The following CDH13 variants were observed in gnomAD, a reference collection of about 807,000 sequenced individuals.
The protein encoded by CDH13 is cadherin 13.
CDH13 carries 24 observed loss-of-function variants against 63.8 expected under a neutral mutation model. The ratio of observed to expected loss-of-function variants is 0.38; its 90% CI spans 0.27 to 0.53. CDH13 has a LOEUF of 0.53. CDH13 is among the 20% of genes least tolerant of loss of function. The probability of loss-of-function intolerance (pLI) is 0.85; values close to 1 mark genes in which losing one functional copy is unlikely to be tolerated. For missense variants in CDH13, 1,049 were observed against 903.1 expected (o/e 1.16, Z -2.07); for synonymous variants, 503 against 355.3 (o/e 1.42, Z -4.67).
intron 6 of CDH13, among the ~76,000 whole-genome samples, chr16:83,345,268 C>T (rs1298546159): frequency 1.3e-5 from 2 of 152,186 alleles, no homozygotes; most frequent in African/African-American, 2.4e-5. Flanking sequence ...TAAGGCATGG[C>T]CGATGTTGGG....
At chr16:82,631,598 C>T (rs145806782) in intron 1 of CDH13, among the ~76,000 whole-genome samples, 13 of 152,318 alleles carry the variant, frequency 8.5e-5, no homozygotes, top group South Asian at 2.1e-4. Flanking sequence ...CCCCACAGCC[C>T]GCTTCTTCTG....
At chr16:83,654,659 G>C (rs528633607) in intron 8 of CDH13, among the ~76,000 whole-genome samples, 16 of 152,232 alleles carry the variant, frequency 1.1e-4, no homozygotes, top group African/African-American at 3.9e-4. Context: ...GTTCCAAACA[G>C]CTCTTTATTG....
chr16:83,648,655 A>G (rs1023004754), intron 8 of CDH13, among the ~76,000 whole-genome samples: 2 of 152,192 alleles, frequency 1.3e-5, no homozygotes, highest in Admixed American at 6.5e-5. Flanking sequence ...TGAAAACACT[A>G]GAACACAGCT....
intron 6 of CDH13, among the ~76,000 whole-genome samples, chr16:83,385,396 T>C (rs1438328101): frequency 6.6e-6 from 1 of 152,224 alleles, no homozygotes; most frequent in Non-Finnish European, 1.5e-5. Flanking sequence ...ATTTCTTTCT[T>C]TGCAAGATTG....
chr16:82,883,717 G>A (rs2040784687), intron 2 of CDH13, among the ~76,000 whole-genome samples: 1 of 152,190 alleles, frequency 6.6e-6, no homozygotes, highest in Non-Finnish European at 1.5e-5. Context: ...TGCCCAGAAT[G>A]GAGCAGCCTC....
intron 1 of CDH13, among the ~76,000 whole-genome samples, chr16:82,640,650 C>T (rs1181180236): frequency 6.6e-6 from 1 of 152,166 alleles, no homozygotes; most frequent in African/African-American, 2.4e-5. Context: ...GTTGGTCAAA[C>T]TTGTTTAAGA....
chr16:83,324,059 G>A (rs1237384787), intron 5 of CDH13, among the ~76,000 whole-genome samples: 1 of 136,338 alleles, frequency 7.3e-6, no homozygotes, highest in Admixed American at 7.3e-5. Context: ...TTTTTTTGAG[G>A]TGGAGTCTCA....
chr16:82,736,971 T>C (rs62034477), intron 1 of CDH13, among the ~76,000 whole-genome samples: 3,766 of 152,300 alleles, frequency 0.025, 80 homozygotes, highest in Middle Eastern at 0.095. Context: ...ATATTCCTTT[T>C]CTGCCTCTCT....
intron 5 of CDH13, among the ~76,000 whole-genome samples, chr16:83,271,500 TAAAA>T (rs55782083): frequency 7.4e-6 from 1 of 135,456 alleles, no homozygotes; most frequent in Non-Finnish European, 1.5e-5. Flanking sequence ...GGCTTTTATT[TAAAA>T]AAAAACAAAA....
intron 7 of CDH13, among the ~76,000 whole-genome samples, chr16:83,587,105 C>T (rs192243126): frequency 1.3e-5 from 2 of 152,058 alleles, no homozygotes; most frequent in East Asian, 3.9e-4. Context: ...CAGCTTTGCA[C>T]GAAAATGCAT....
chr16:83,791,396 T>C (rs1384395425), intron 13 of CDH13, among the ~76,000 whole-genome samples: 1 of 152,034 alleles, frequency 6.6e-6, no homozygotes, highest in Non-Finnish European at 1.5e-5. Context: ...CTCAGGAGGC[T>C]GAGGCAGGAG....
At chr16:83,003,485 G>T (rs1913158758) in intron 2 of CDH13, among the ~76,000 whole-genome samples, 1 of 152,046 alleles carries the variant, frequency 6.6e-6, no homozygotes, top group Non-Finnish European at 1.5e-5. Flanking sequence ...GTATAATCAG[G>T]TTAGTAACAT....
chr16:82,948,456 G>A (rs1251081660), intron 2 of CDH13, among the ~76,000 whole-genome samples: 5 of 152,102 alleles, frequency 3.3e-5, no homozygotes, highest in African/African-American at 1.2e-4. Flanking sequence ...CTTCATCACA[G>A]TCCCAAAAAA....
intron 1 of CDH13, among the ~76,000 whole-genome samples, chr16:82,848,923 A>G (rs545591305): frequency 6.6e-6 from 1 of 152,314 alleles, no homozygotes; most frequent in Non-Finnish European, 1.5e-5. Context: ...TTGTGAATGC[A>G]AAGGAAGAGT....
At chr16:82,650,420 A>G (rs1191215089) in intron 1 of CDH13, among the ~76,000 whole-genome samples, 3 of 152,154 alleles carry the variant, frequency 2.0e-5, no homozygotes, top group Non-Finnish European at 4.4e-5. Flanking sequence ...CCCTTTCTCT[A>G]TTCCAGAAAG....
chr16:83,668,647 A>C (rs1914222968), intron 8 of CDH13, among the ~76,000 whole-genome samples: 1 of 152,224 alleles, frequency 6.6e-6, no homozygotes, highest in South Asian at 2.1e-4. Flanking sequence ...GGACTGGCCT[A>C]AGCCATGGGG....
intron 10 of CDH13, among the ~76,000 whole-genome samples, chr16:83,722,770 T>TG (rs552777482): frequency 1.4e-4 from 22 of 152,104 alleles, no homozygotes; most frequent in Non-Finnish European, 7.4e-5. Context: ...GAAACCAGGC[T>TG]GGGGGGGTGG....
At chr16:83,281,338 T>A (rs1160083725) in intron 5 of CDH13, among the ~76,000 whole-genome samples, 2 of 152,220 alleles carry the variant, frequency 1.3e-5, no homozygotes, top group African/African-American at 4.8e-5. Flanking sequence ...ATTATTCACC[T>A]CTCTCAGCCT....
At chr16:83,644,684 C>T (rs1011476004) in intron 8 of CDH13, among the ~76,000 whole-genome samples, 2 of 152,170 alleles carry the variant, frequency 1.3e-5, no homozygotes, top group Admixed American at 6.6e-5. Flanking sequence ...GGTCCAGAAA[C>T]GCATCTGGTA....
Sources: allele counts gnomAD v4.1 joint callset (sites outside exome capture counted in the v4.1 genomes callset), GRCh38; gene constraint gnomAD v4.1.1; transcripts MANE v1.5; gene names NCBI Gene and HGNC (gene_info 2026-07-23, HGNC 2026-07-21).